Variants in HECTD2 observed in about 807,000 individuals in gnomAD.
HECTD2 encodes probable E3 ubiquitin-protein ligase HECTD2.
In HECTD2, 35 loss-of-function variants were observed where a neutral mutation model predicts 103.2. The ratio of observed to expected loss-of-function variants is 0.34; its 90% CI spans 0.26 to 0.45. The LOEUF is 0.45. HECTD2 is among the 20% of genes least tolerant of loss of function. The pLI, the probability that HECTD2 is intolerant of heterozygous loss-of-function variation, is 1.00. For missense variants in HECTD2, 596 were observed against 937.4 expected (o/e 0.64, Z 4.76); for synonymous variants, 281 against 329.9 (o/e 0.85, Z 1.61).
chr10:91,415,216 G>GTGTGTGTGTGTGTGTC (rs1843075527), intron 1 of HECTD2, among the ~76,000 whole-genome samples: 1 of 151,908 alleles, frequency 6.6e-6, no homozygotes, highest in Admixed American at 6.6e-5. Context: ...GTGTGTGTGT[G>GTGTGTGTGTGTGTGTC]TGTGTGTGTG....
chr10:91,462,595 T>C, intron 5 of HECTD2: 1 of 1,045,892 alleles, frequency 9.6e-7, no homozygotes, highest in Non-Finnish European at 1.2e-6. Flanking sequence ...AGAATTTTCA[T>C]TTGTAACAAG....
intron 5 of HECTD2, among the ~76,000 whole-genome samples, chr10:91,477,791 G>T (rs953663254): frequency 6.6e-6 from 1 of 151,808 alleles, no homozygotes; most frequent in African/African-American, 2.4e-5. Context: ...ATTTATTCTT[G>T]GGATGTTTGA....
intron 1 of HECTD2, among the ~76,000 whole-genome samples, chr10:91,424,458 A>G (rs907482178): frequency 1.3e-5 from 2 of 152,116 alleles, no homozygotes; most frequent in Non-Finnish European, 2.9e-5. Context: ...ATGTTAAAAG[A>G]AGTTAACTAC....
chr10:91,511,286 T>C (rs1421572438), intron 20 of HECTD2, among the ~76,000 whole-genome samples: 1 of 152,116 alleles, frequency 6.6e-6, no homozygotes, highest in Non-Finnish European at 1.5e-5. Context: ...CACTATCAGA[T>C]AGTAGGTGGG....
intron 20 of HECTD2, 77 bp downstream of exon 20, chr10:91,501,411 A>G (rs1350747775): frequency 2.2e-6 from 2 of 892,444 alleles, no homozygotes; most frequent in Non-Finnish European, 3.4e-6. Context: ...ATTTGGAATC[A>G]GGATGTGTAC....
intron 2 of HECTD2, among the ~76,000 whole-genome samples, chr10:91,453,139 A>C (rs1844909837): frequency 6.6e-6 from 1 of 152,290 alleles, no homozygotes; most frequent in Non-Finnish European, 1.5e-5. Context: ...GGAAATACTT[A>C]AGAAAATTAT....
At chr10:91,418,831 G>A (rs984447112) in intron 1 of HECTD2, among the ~76,000 whole-genome samples, 4 of 152,054 alleles carry the variant, frequency 2.6e-5, no homozygotes. Context: ...TATCTTAAAT[G>A]TTTTCTATTT....
chr10:91,487,701 C>G lies in HECTD2; in HGVS notation c.1114C>G (p.Pro372Ala). 1 of 1,610,494 alleles carries G rather than the reference C, an allele frequency of 6.2e-7. No individual in the cohort carries two copies. Among genetic ancestry groups the G allele is most frequent in the South Asian group, 1.1e-5 (1 of 90,974 alleles). ...GAGCAGGTTTTCCTTCTGTCAGTACCCATTCGTTATTTCTGTAGCTGCAAA... is the reference window on the plus strand; with the variant it reads ...GAGCAGGTTTTCCTTCTGTCAGTACGCATTCGTTATTTCTGTAGCTGCAAA... ...NSHRFSFCQY[P>A]FVISVAAKKI... Residue 372 changes from proline (P) to alanine (A), a missense_variant, in exon 11 of 21, where the codon CCA (proline) becomes GCA (alanine). Pro to Ala is a conservative substitution (Grantham distance 27). Coordinates refer to ENST00000298068, the MANE Select transcript of HECTD2 (RefSeq NM_182765.6). This position sits in a 1 kb window ranked among gnomAD's most constrained non-coding sequence, Gnocchi z 4.1.
At chr10:91,503,270 G>A (rs538249222) in intron 20 of HECTD2, among the ~76,000 whole-genome samples, 1 of 152,266 alleles carries the variant, frequency 6.6e-6, no homozygotes, top group Non-Finnish European at 1.5e-5. Flanking sequence ...AAATGAGGGA[G>A]GAGCCAAGAT....
intron 1 of HECTD2, among the ~76,000 whole-genome samples, chr10:91,415,193 AGTGTGTGTGT>A (rs397846279): frequency 0.013 from 1,863 of 141,718 alleles, 41 homozygotes; most frequent in African/African-American, 0.046. Context: ...AATTAGAGAA[AGTGTGTGTGT>A]GTGTGTGTGT....
intron 18 of HECTD2, 106 bp downstream of exon 18, chr10:91,499,256 T>C (rs995586249): frequency 4.8e-6 from 3 of 627,916 alleles, no homozygotes; most frequent in Non-Finnish European, 7.9e-6. Context: ...AAATAGAAAA[T>C]ATTTTCTACT....
chr10:91,479,680 A>AT (rs2133272158), intron 6 of HECTD2, among the ~76,000 whole-genome samples: 1 of 152,262 alleles, frequency 6.6e-6, no homozygotes, highest in East Asian at 1.9e-4. Flanking sequence ...TTATGTAAAA[A>AT]TTTTTTTAGA....
intron 14 of HECTD2, 86 bp downstream of exon 14, chr10:91,493,594 TAGCCATTTTA>T (rs1846556438): frequency 1.5e-6 from 1 of 679,114 alleles, no homozygotes; most frequent in African/African-American, 1.9e-5. Flanking sequence ...CTGTTTTCTT[TAGCCATTTTA>T]TCCAAATTAA....
chr10:91,492,619 G>T (rs1320464707), intron 13 of HECTD2, 135 bp downstream of exon 13: 4 of 700,256 alleles, frequency 5.7e-6, no homozygotes, highest in Admixed American at 3.0e-5. Context: ...ATTGTTTAAG[G>T]ACTGTTATTT....
At chr10:91,429,578 G>C (rs1843742568) in intron 2 of HECTD2, among the ~76,000 whole-genome samples, 1 of 152,194 alleles carries the variant, frequency 6.6e-6, no homozygotes, top group African/African-American at 2.4e-5. Context: ...CCTATTCAGA[G>C]ATTCAAATTC....
chr10:91,460,651 CT>C (rs1845308712), intron 3 of HECTD2, 86 bp downstream of exon 3: 1 of 1,347,776 alleles, frequency 7.4e-7, no homozygotes, highest in Non-Finnish European at 1.0e-6. Flanking sequence ...GAGAAATTAA[CT>C]TTTGGATCAC....
At chr10:91,431,638 C>A (rs995747962) in intron 2 of HECTD2, among the ~76,000 whole-genome samples, 4 of 151,918 alleles carry the variant, frequency 2.6e-5, no homozygotes, top group Admixed American at 2.6e-4. Context: ...TTTCATCTTC[C>A]ATCACTGATA....
chr10:91,474,997 A>AAT (rs1442676294), intron 5 of HECTD2, among the ~76,000 whole-genome samples: 2 of 152,234 alleles, frequency 1.3e-5, no homozygotes, highest in Non-Finnish European at 2.9e-5. Flanking sequence ...CAAATTCAGA[A>AAT]ATAAGGCTTG....
intron 20 of HECTD2, among the ~76,000 whole-genome samples, chr10:91,502,330 T>C (rs1846934933): frequency 6.6e-6 from 1 of 152,198 alleles, no homozygotes. Flanking sequence ...TTACATGTGA[T>C]GTGCCAGCTA....
Sources: allele counts gnomAD v4.1 joint callset (sites outside exome capture counted in the v4.1 genomes callset), GRCh38; gene constraint gnomAD v4.1.1; non-coding constraint Gnocchi (gnomAD v3.1); transcripts MANE v1.5; gene names NCBI Gene and HGNC (gene_info 2026-07-23, HGNC 2026-07-21).